The following CTNNA2 variants were observed in gnomAD, a reference collection of about 807,000 sequenced individuals.
CTNNA2 encodes catenin alpha-2.
Under a neutral mutation model 101.0 loss-of-function variants are expected in CTNNA2, and 42 were observed. The ratio of observed to expected loss-of-function variants is 0.42; its 90% confidence interval spans 0.32 to 0.54. The LOEUF (loss-of-function observed/expected upper bound fraction) is 0.54. Among genes scored for constraint, CTNNA2 ranks in the 20% least tolerant of loss-of-function variants. The pLI is 0.14. For synonymous variants in CTNNA2, 450 were observed against 456.4 expected (o/e 0.99, Z 0.18); for missense variants, 871 against 1,223.1 (o/e 0.71, Z 4.29).
At chr2:79,217,691 G>A (rs1469998130) in intron 2 of CTNNA2, among the ~76,000 whole-genome samples, 2 of 152,152 alleles carry the variant, frequency 1.3e-5, no homozygotes, top group Non-Finnish European at 1.5e-5. Context: ...GCTTAGCTTG[G>A]GCTCAGAGGC....
At chr2:79,698,923 C>G (rs186956230) in intron 2 of CTNNA2, among the ~76,000 whole-genome samples, 5 of 152,028 alleles carry the variant, frequency 3.3e-5, no homozygotes, top group Non-Finnish European at 5.9e-5. Flanking sequence ...TAGCCTGTCA[C>G]GTTTGCTGAA....
At chr2:79,759,588 C>G (rs887698229) in intron 3 of CTNNA2, among the ~76,000 whole-genome samples, 20 of 152,222 alleles carry the variant, frequency 1.3e-4, no homozygotes, top group African/African-American at 3.9e-4. Flanking sequence ...TAAAGTTGAG[C>G]TCCCGCCCTG....
intron 7 of CTNNA2, among the ~76,000 whole-genome samples, chr2:80,151,461 A>G (rs779530056): frequency 2.0e-5 from 3 of 152,204 alleles, no homozygotes; most frequent in Non-Finnish European, 4.4e-5. Flanking sequence ...ATTGTGAAAT[A>G]TACAGTAAGA....
In CTNNA2 at chr2:80,575,787, CAT is replaced by C. The variant is rs754817676; in HGVS notation, c.1893+1475_1893+1476del. On this transcript the variant is annotated intron_variant, in intron 13 of 18. Transcript: ENST00000402739. ...TCATGAGCTGTAACACACACACACA[CAT>C]ACACACACACAATTTTAGATAAAAT... Among the ~76,000 whole-genome samples the C allele has an allele frequency of 9.2e-5, 14 of 152,126 alleles. No individual in the cohort carries two copies. In the South Asian group the frequency reaches 1.4e-3, roughly 16 times the overall value.
chr2:80,543,733 A>C (rs1159227685), intron 9 of CTNNA2, among the ~76,000 whole-genome samples: 1 of 152,122 alleles, frequency 6.6e-6, no homozygotes, highest in Non-Finnish European at 1.5e-5. Context: ...GGTTTCTTTC[A>C]CATTAGGAAC....
At chr2:79,732,900 C>G (rs183792304) in intron 2 of CTNNA2, among the ~76,000 whole-genome samples, 1 of 151,874 alleles carries the variant, frequency 6.6e-6, no homozygotes, top group East Asian at 1.9e-4. Flanking sequence ...AAACAAAAAA[C>G]AAAAAACAAA....
At chr2:80,396,291 A>C (rs975862130) in intron 8 of CTNNA2, among the ~76,000 whole-genome samples, 4 of 152,212 alleles carry the variant, frequency 2.6e-5, no homozygotes, top group African/African-American at 9.6e-5. Flanking sequence ...AGTCAAACCC[A>C]TGACAGGGGG....
intron 7 of CTNNA2, among the ~76,000 whole-genome samples, chr2:80,240,489 G>A (rs1038733319): frequency 2.6e-5 from 4 of 152,126 alleles, no homozygotes; most frequent in Non-Finnish European, 5.9e-5. Context: ...CAGATTACTT[G>A]CTCAAATTAT....
intron 14 of CTNNA2, among the ~76,000 whole-genome samples, chr2:80,588,624 T>G (rs1046376268): frequency 6.6e-6 from 1 of 152,232 alleles, no homozygotes; most frequent in Non-Finnish European, 1.5e-5. Flanking sequence ...AATGAACCCA[T>G]GCTTCCTAAT....
chr2:80,050,358 G>A (rs1004430668), intron 7 of CTNNA2, among the ~76,000 whole-genome samples: 1 of 152,140 alleles, frequency 6.6e-6, no homozygotes, highest in Admixed American at 6.5e-5. Context: ...CTTTTTCTTA[G>A]AGACTCAACA....
intron 3 of CTNNA2, among the ~76,000 whole-genome samples, chr2:79,345,688 T>G (rs1230213579): frequency 6.6e-6 from 1 of 152,002 alleles, no homozygotes; most frequent in Non-Finnish European, 1.5e-5. Flanking sequence ...TGTTTTGTTT[T>G]TTGTGGGTTG....
At chr2:79,810,004 A>T (rs937989495) in intron 3 of CTNNA2, among the ~76,000 whole-genome samples, 1 of 152,220 alleles carries the variant, frequency 6.6e-6, no homozygotes, top group Non-Finnish European at 1.5e-5. Context: ...ACTATAAAGA[A>T]ACTGCATCAA....
chr2:79,518,244 G>C (rs888339297), intron 1 of CTNNA2, among the ~76,000 whole-genome samples: 2 of 152,080 alleles, frequency 1.3e-5, no homozygotes, highest in East Asian at 3.9e-4. Context: ...GGCAGTTTTG[G>C]GGGAAGCCAG....
Position 80,515,331 on chromosome 2 carries a change from GA to G in CTNNA2, c.1291-29644del, listed in dbSNP as rs528435870. On this transcript the variant is annotated intron_variant, in intron 9 of 18. Coordinates refer to ENST00000402739, the MANE Select transcript of CTNNA2 (RefSeq NM_001282597.3). Reference sequence around the variant, plus strand: ...TTCTGTGTCTCAGGGCTTCCCATATGAAAAAAAGATAAGATGATAAATTAAT... The same window carrying G: ...TTCTGTGTCTCAGGGCTTCCCATATGAAAAAAGATAAGATGATAAATTAAT... Among the ~76,000 whole-genome samples the G allele has an allele frequency of 1.8e-4, 27 of 151,658 alleles. 1 individual carries two copies. The South Asian group carries it at 5.6e-3, about 32-fold the overall frequency.
intron 2 of CTNNA2, among the ~76,000 whole-genome samples, chr2:79,282,403 C>T (rs1675415637): frequency 6.6e-6 from 1 of 152,040 alleles, no homozygotes; most frequent in Non-Finnish European, 1.5e-5. Context: ...GCTATCCCTC[C>T]CCGCTCCCCC....
At chr2:79,510,107 A>C (rs923261927), upstream of CTNNA2, among the ~76,000 whole-genome samples, 3 of 152,216 alleles carry the variant, frequency 2.0e-5, no homozygotes, top group Non-Finnish European at 4.4e-5. Context: ...ATTTGATTGC[A>C]CATTAAATTG....
intron 7 of CTNNA2, among the ~76,000 whole-genome samples, chr2:80,054,448 A>G (rs1697084036): frequency 6.6e-6 from 1 of 152,200 alleles, no homozygotes; most frequent in South Asian, 2.1e-4. Context: ...CCATGCCGCA[A>G]TTTGCCTGTT....
rs536584837 is a variant in CTNNA2 at position 80,126,639 on chromosome 2, C to T, written c.1056+216842C>T. Among the ~76,000 whole-genome samples, 596 of 77,464 alleles carry T rather than the reference C, an allele frequency of 7.7e-3. 14 individuals are homozygous for T. Among genetic ancestry groups the T allele is most frequent in the African/African-American group, 0.027 (562 of 21,148 alleles). 50.8% of individuals were successfully genotyped at this position (77,464 alleles called of 152,430 possible). A position where few individuals can be genotyped will look rare whatever the true frequency, so the allele number is the denominator to read the frequency against. ...CCCTCCCTCCCTCCCTCCCTCCCTT[C>T]CTTCCTTCCTTCCTTCCTTCCTTCC... is the stretch of plus-strand genomic sequence containing the variant. On this transcript the variant is annotated intron_variant, in intron 7 of 18. Coordinates refer to ENST00000402739, the MANE Select transcript of CTNNA2 (RefSeq NM_001282597.3).
Position 79,680,625 on chromosome 2 carries a change from T to A in CTNNA2, c.102+28967T>A, listed in dbSNP as rs566395437. Among the ~76,000 whole-genome samples, 257 of 152,318 alleles carry A rather than the reference T, an allele frequency of 1.7e-3. 1 individual carries two copies. The highest frequency in any genetic ancestry group is 5.8e-3 in the African/African-American group (243 of 41,572). On this transcript the variant is annotated intron_variant, in intron 2 of 18. Transcript: ENST00000402739. Reference sequence around the variant, plus strand: ...GTACCAGAAACACTACTAGGCCTCATGGAGGCCATTGTTTCAGAATTTCAT... The same window carrying A: ...GTACCAGAAACACTACTAGGCCTCAAGGAGGCCATTGTTTCAGAATTTCAT...
Sources: allele counts gnomAD v4.1 joint callset (sites outside exome capture counted in the v4.1 genomes callset), GRCh38; gene constraint gnomAD v4.1.1; transcripts MANE v1.5; gene names NCBI Gene and HGNC (gene_info 2026-07-23, HGNC 2026-07-21).